Variants in ARHGAP32 observed in about 807,000 individuals in gnomAD.
The protein encoded by ARHGAP32 is rho GTPase-activating protein 32.
Under a neutral mutation model 186.5 loss-of-function variants are expected in ARHGAP32, and 51 were observed. The ratio of observed to expected loss-of-function variants is 0.27; its 90% CI spans 0.22 to 0.35. The LOEUF (loss-of-function observed/expected upper bound fraction) is 0.35, where lower values mean the gene tolerates loss of function less well. ARHGAP32 is among the 10% of genes least tolerant of loss of function. ARHGAP32 has a pLI of 1.00. For synonymous variants in ARHGAP32, 950 were observed against 964.3 expected, an observed-to-expected ratio of 0.99 and a Z score of 0.27; for missense variants, 2,186 against 2,623.5, an observed-to-expected ratio of 0.83 and a Z score of 3.64.
At chr11:129,087,288 G>A (rs751540421) in intron 6 of ARHGAP32, among the ~76,000 whole-genome samples, 6 of 152,172 alleles carry the variant, frequency 3.9e-5, no homozygotes, top group Middle Eastern at 3.2e-3. Flanking sequence ...AGAAACCTGC[G>A]TGCAAATGTT....
At position 128,969,001 on chromosome 11, in the gene ARHGAP32, T is replaced by C. The variant is rs148939522; in HGVS notation, c.6212A>G (p.Gln2071Arg). The change falls in exon 23 of 23, where the codon CAG becomes CGG. Residue 2071 changes from glutamine to arginine, a missense_variant. Coordinates refer to ENST00000682385, the MANE Select transcript of ARHGAP32 (RefSeq NM_001378024.1). The surrounding 1 kb of genome is among the most constrained non-coding windows in gnomAD (Gnocchi z 4.8). ...TYVPPGFPHP[Q>R]SRTYATALGQ... ...CAACGCTGTAGCATAGGTCCTGCTCTGTGGATGGGGAAAGCCAGGGGGCAC... is the reference window on the plus strand; with the variant it reads ...CAACGCTGTAGCATAGGTCCTGCTCCGTGGATGGGGAAAGCCAGGGGGCAC... 165 of 1,610,200 alleles carry C rather than the reference T, an allele frequency of 1.0e-4. 1 individual carries two copies. In the African/African-American group the frequency reaches 1.9e-3, roughly 18 times the overall value.
intron 11 of ARHGAP32, among the ~76,000 whole-genome samples, chr11:129,002,045 C>A (rs1255148065): frequency 1.3e-5 from 2 of 152,044 alleles, no homozygotes; most frequent in Non-Finnish European, 2.9e-5. Flanking sequence ...TGTGATTCCT[C>A]CAGTTTTGTT....
At chr11:129,016,763 A>G (rs1938363005) in intron 11 of ARHGAP32, among the ~76,000 whole-genome samples, 1 of 152,182 alleles carries the variant, frequency 6.6e-6, no homozygotes, top group Non-Finnish European at 1.5e-5. Context: ...AACTTTTTGG[A>G]ATCTCATTGA....
chr11:129,166,049 A>G lies in ARHGAP32; in HGVS notation c.117-1622T>C, dbSNP rs1293381990. On this transcript the variant is annotated intron_variant, in intron 1 of 22. Transcript: ENST00000682385. ...GAATTTCAACAGAGAATTGGAAGCC[A>G]TAAAATCAAATGTTCATTTTAAAAC... is the stretch of plus-strand genomic sequence containing the variant. 2.0e-5 allele frequency among the ~76,000 whole-genome samples: 3 copies of G among 152,206 alleles called. No homozygotes were observed. The East Asian group carries it at 5.8e-4, about 29-fold the overall frequency.
chr11:129,086,545 G>GAC (rs1259043744), intron 6 of ARHGAP32, among the ~76,000 whole-genome samples: 1 of 151,860 alleles, frequency 6.6e-6, no homozygotes, highest in Non-Finnish European at 1.5e-5. Context: ...CTGATGGCCG[G>GAC]GCATGGTGGC....
chr11:129,231,516 A>G (rs897799891), intron 1 of ARHGAP32, among the ~76,000 whole-genome samples: 8 of 152,296 alleles, frequency 5.3e-5, no homozygotes, highest in Non-Finnish European at 8.8e-5. Flanking sequence ...AGTAGCTTGT[A>G]TTTCTCCAAC....
intron 11 of ARHGAP32, among the ~76,000 whole-genome samples, chr11:129,001,674 C>T (rs1273471171): frequency 6.6e-6 from 1 of 152,112 alleles, no homozygotes; most frequent in Non-Finnish European, 1.5e-5. Context: ...TGTTACTCAA[C>T]AAATCTTTGC....
chr11:129,056,507 A>C (rs962049028), intron 10 of ARHGAP32, among the ~76,000 whole-genome samples: 1 of 152,192 alleles, frequency 6.6e-6, no homozygotes, highest in African/African-American at 2.4e-5. Context: ...TTGGCCTCCC[A>C]AAGTGCTAGG....
chr11:129,136,059 T>G (rs1438630109), intron 2 of ARHGAP32, among the ~76,000 whole-genome samples: 1 of 152,100 alleles, frequency 6.6e-6, no homozygotes, highest in Non-Finnish European at 1.5e-5. Context: ...AAGAAGAAAT[T>G]GGAAGATATG....
chr11:129,059,552 T>G (rs1337344103), intron 10 of ARHGAP32, among the ~76,000 whole-genome samples: 1 of 143,066 alleles, frequency 7.0e-6, no homozygotes, highest in Non-Finnish European at 1.5e-5. Flanking sequence ...CAAGCTGGAG[T>G]GCAGTGGCAT....
intron 1 of ARHGAP32, among the ~76,000 whole-genome samples, chr11:129,255,324 A>AGT (rs1260345419): frequency 6.6e-6 from 1 of 152,142 alleles, no homozygotes; most frequent in African/African-American, 2.4e-5. Flanking sequence ...TGACTCTACT[A>AGT]AATCTCATGT....
At chr11:129,277,211 A>G (rs554943213) in intron 1 of ARHGAP32, among the ~76,000 whole-genome samples, 50 of 152,254 alleles carry the variant, frequency 3.3e-4, no homozygotes, top group African/African-American at 1.2e-3. Flanking sequence ...AACAATAAAA[A>G]CATCGTTTAT....
intron 1 of ARHGAP32, among the ~76,000 whole-genome samples, chr11:129,274,859 T>A (rs1415031062): frequency 1.3e-5 from 2 of 151,782 alleles, no homozygotes; most frequent in African/African-American, 4.8e-5. Context: ...TGGGGAAAAT[T>A]ATCCAACCCT....
In ARHGAP32 at chr11:129,096,306, G is replaced by A. The variant is rs570447935; in HGVS notation, c.445-2599C>T. The stretch of plus-strand genomic sequence containing the variant: ...AGGCAAACAACACGCAAAAGCACAC[G>A]AGAAAGAGAAGATTCTGGAAAAACG... On this transcript the variant is annotated intron_variant, in intron 5 of 22. Coordinates refer to ENST00000682385, the MANE Select transcript of ARHGAP32 (RefSeq NM_001378024.1). Among the ~76,000 whole-genome samples, 10 of 152,236 alleles carry A rather than the reference G, an allele frequency of 6.6e-5. No homozygotes were observed. In the South Asian group the frequency reaches 1.0e-3, roughly 16 times the overall value.
At chr11:129,238,304 C>A (rs1438678860) in intron 1 of ARHGAP32, among the ~76,000 whole-genome samples, 6 of 152,124 alleles carry the variant, frequency 3.9e-5, no homozygotes, top group African/African-American at 1.4e-4. Context: ...TAACCATTAA[C>A]CCACATAAAT....
chr11:129,085,948 C>T (rs1225636148), intron 6 of ARHGAP32, among the ~76,000 whole-genome samples: 1 of 150,270 alleles, frequency 6.7e-6, no homozygotes, highest in Non-Finnish European at 1.5e-5. Context: ...GAGCTGAGAT[C>T]ATGACACTGC....
upstream of ARHGAP32, among the ~76,000 whole-genome samples, chr11:129,192,438 C>T (rs550452032): frequency 4.6e-5 from 7 of 152,234 alleles, no homozygotes; most frequent in South Asian, 1.0e-3. Context: ...GGCTGCGTGA[C>T]CTACATAACC....
At chr11:129,252,668 A>G (rs534689947) in intron 1 of ARHGAP32, among the ~76,000 whole-genome samples, 2 of 152,214 alleles carry the variant, frequency 1.3e-5, no homozygotes, top group Non-Finnish European at 2.9e-5. Context: ...TTTGCATTAA[A>G]GCAAGAATAT....
intron 1 of ARHGAP32, among the ~76,000 whole-genome samples, chr11:129,239,608 C>T (rs937393602): frequency 3.9e-5 from 6 of 152,124 alleles, no homozygotes; most frequent in Non-Finnish European, 8.8e-5. Flanking sequence ...CTTTCGACAC[C>T]CATAAAAGAG....
Sources: allele counts gnomAD v4.1 joint callset (sites outside exome capture counted in the v4.1 genomes callset), GRCh38; gene constraint gnomAD v4.1.1; non-coding constraint Gnocchi (gnomAD v3.1); transcripts MANE v1.5; gene names NCBI Gene and HGNC (gene_info 2026-07-23, HGNC 2026-07-21).